Variants in SLC38A4 observed in about 807,000 individuals in gnomAD.
SLC38A4 encodes solute carrier family 38 member 4, also known as sodium-coupled neutral amino acid transporter 4.
SLC38A4 carries 20 observed loss-of-function variants against 63.1 expected under a neutral mutation model. The observed-to-expected ratio is 0.32, with a 90% confidence interval of 0.22 to 0.46. The LOEUF is 0.46. Among genes scored for constraint, SLC38A4 ranks in the 20% least tolerant of loss-of-function variants. The pLI is 1.00. For synonymous variants in SLC38A4, 230 were observed against 225.5 expected, an observed-to-expected ratio of 1.02 and a Z score of -0.18; for missense variants, 526 against 663.6, an observed-to-expected ratio of 0.79 and a Z score of 2.28.
intron 11 of SLC38A4, 58 bp from the exon 12 acceptor site, chr12:46,778,426 G>A (rs760871024): frequency 1.2e-5 from 20 of 1,608,122 alleles, no homozygotes; most frequent in Middle Eastern, 1.6e-4. Flanking sequence ...GTGATCTCAG[G>A]CCATCTCAGT....
At chr12:46,808,284 G>C (rs1329496728) in intron 1 of SLC38A4, among the ~76,000 whole-genome samples, 1 of 151,914 alleles carries the variant, frequency 6.6e-6, no homozygotes, top group Non-Finnish European at 1.5e-5. Context: ...CAAGTGAAAT[G>C]CAATGACCCA....
At chr12:46,780,544 T>G (rs1327675687) in intron 7 of SLC38A4, among the ~76,000 whole-genome samples, 2 of 151,960 alleles carry the variant, frequency 1.3e-5, no homozygotes, top group African/African-American at 2.4e-5. Context: ...AACCAAAGGC[T>G]TCCTGGATTG....
At chr12:46,802,041 T>A (rs1033407369) in intron 2 of SLC38A4, among the ~76,000 whole-genome samples, 1 of 152,096 alleles carries the variant, frequency 6.6e-6, no homozygotes, top group Non-Finnish European at 1.5e-5. Context: ...ACTAAGGTCT[T>A]TTCCCATTTC....
At position 46,793,103 on chromosome 12, in the gene SLC38A4, A is replaced by G. The variant is rs1938925157; in HGVS notation, c.-32T>C. ...TGTCAGCGCTTTCTTGTCCACACAC[A>G]AGCCCCTTCAGTGTAAATAATATAC... On this transcript the variant is annotated 5_prime_UTR_variant, in exon 3 of 17. Transcript: ENST00000266579. 1 of 1,492,824 alleles carries G rather than the reference A, an allele frequency of 6.7e-7. No individual in the cohort carries two copies. Among genetic ancestry groups the G allele is most frequent in the African/African-American group, 1.4e-5 (1 of 72,602 alleles). 92.5% of individuals were successfully genotyped at this position (1,492,824 alleles called of 1,614,324 possible). A position where few individuals can be genotyped will look rare whatever the true frequency, so the allele number is the denominator to read the frequency against.
At chr12:46,815,274 TATATATATATACAC>T (rs1404159169) in intron 1 of SLC38A4, among the ~76,000 whole-genome samples, 55 of 69,470 alleles carry the variant, frequency 7.9e-4, no homozygotes, top group South Asian at 2.9e-3. Flanking sequence ...TATATATATA[TATATATATATACAC>T]ACACACACAC....
At chr12:46,794,742 C>T (rs1938964633) in intron 2 of SLC38A4, among the ~76,000 whole-genome samples, 1 of 151,764 alleles carries the variant, frequency 6.6e-6, no homozygotes, top group African/African-American at 2.4e-5. Flanking sequence ...CACTGATAGT[C>T]ATTCCAATAT....
chr12:46,787,966 C>A lies in SLC38A4; in HGVS notation c.276G>T (p.Gly92=). The part of the protein sequence containing the change: ...FNLSNAIMGS[G]ILGLSYAMAN... ...CCATGGCATAGGACAAGCCCAGGATCCCACTGCCCATGATGGCATTACTCA... is the reference window on the plus strand; with the variant it reads ...CCATGGCATAGGACAAGCCCAGGATACCACTGCCCATGATGGCATTACTCA... The change falls in exon 5 of 17, where the codon GGG becomes GGT. Residue 92 remains glycine (G), a synonymous_variant. Coordinates refer to ENST00000266579, the MANE Select transcript of SLC38A4 (RefSeq NM_018018.5). The A allele has an allele frequency of 6.2e-7, 1 of 1,613,886 alleles. No individual in the cohort carries two copies.
intron 1 of SLC38A4, among the ~76,000 whole-genome samples, chr12:46,818,314 C>T (rs969578043): frequency 1.3e-5 from 2 of 151,814 alleles, no homozygotes; most frequent in Non-Finnish European, 2.9e-5. Context: ...TATGAACCAC[C>T]TTTATATGAG....
upstream of SLC38A4, among the ~76,000 whole-genome samples, chr12:46,830,805 G>A (rs549677352): frequency 1.3e-5 from 2 of 152,236 alleles, no homozygotes; most frequent in South Asian, 2.1e-4. Flanking sequence ...TTAAGACCTC[G>A]GCATTTAATA....
In SLC38A4 at chr12:46,799,742, G is replaced by A. The variant is rs138404494; in HGVS notation, c.-113+3861C>T. Among the ~76,000 whole-genome samples the A allele has an allele frequency of 1.3e-3, 194 of 152,202 alleles. 2 individuals are homozygous for A. The highest frequency in any genetic ancestry group is 4.5e-3 in the African/African-American group (185 of 41,542). On this transcript the variant is annotated intron_variant, in intron 2 of 16. Coordinates refer to ENST00000266579, the MANE Select transcript of SLC38A4 (RefSeq NM_018018.5). ...TAAATGCACAATTCAAAAAGAATTA[G>A]CACATTATGAGAAACTAAATATTCT...
At chr12:46,774,992 C>T in intron 14 of SLC38A4, 57 bp downstream of exon 14, 2 of 1,582,792 alleles carry the variant, frequency 1.3e-6, no homozygotes, top group Non-Finnish European at 1.7e-6. Flanking sequence ...AGGTAGAACA[C>T]ATGTACTAAT....
At chr12:46,819,930 T>G (rs1019669717) in intron 1 of SLC38A4, among the ~76,000 whole-genome samples, 7 of 151,978 alleles carry the variant, frequency 4.6e-5, no homozygotes, top group Admixed American at 2.6e-4. Flanking sequence ...AAATTTATAA[T>G]GATGACTCCG....
At chr12:46,796,283 TATATTTTCTC>T (rs759587177) in intron 2 of SLC38A4, among the ~76,000 whole-genome samples, 1 of 152,290 alleles carries the variant, frequency 6.6e-6, no homozygotes, top group Middle Eastern at 3.4e-3. Flanking sequence ...TTATGGATAC[TATATTTTCTC>T]AGATTTTTCT....
chr12:46,811,273 T>C (rs150846251), intron 1 of SLC38A4, among the ~76,000 whole-genome samples: 1 of 152,102 alleles, frequency 6.6e-6, no homozygotes, highest in African/African-American at 2.4e-5. Flanking sequence ...TGTAACAGGA[T>C]GCACAAAATG....
chr12:46,777,083 A>T (rs1938544503), intron 12 of SLC38A4, 79 bp from the exon 13 acceptor site: 1 of 1,150,502 alleles, frequency 8.7e-7, no homozygotes, highest in Non-Finnish European at 1.3e-6. Flanking sequence ...AATAATAATA[A>T]AAAAGTATAT....
chr12:46,800,770 T>G (rs1939116741), intron 2 of SLC38A4, among the ~76,000 whole-genome samples: 1 of 152,182 alleles, frequency 6.6e-6, no homozygotes, highest in Admixed American at 6.6e-5. Flanking sequence ...TCCTAGCATC[T>G]AGCACAGTGC....
At chr12:46,769,885 T>C (rs1938380346) in intron 14 of SLC38A4, among the ~76,000 whole-genome samples, 1 of 152,122 alleles carries the variant, frequency 6.6e-6, no homozygotes, top group Admixed American at 6.6e-5. Context: ...AAGTACAATC[T>C]ATGGTGTTTG....
At position 46,765,023 on chromosome 12, in the gene SLC38A4, C is replaced by A. The variant is rs527668396; in HGVS notation, c.*1678G>T. On this transcript the variant is annotated 3_prime_UTR_variant, in exon 17 of 17. Coordinates refer to ENST00000266579, the MANE Select transcript of SLC38A4 (RefSeq NM_018018.5). ...GATGCTCTTGAACATTCAGAAGATACCTTTTTCCACTTTTTATTTTTGTAT... is the reference window on the plus strand; with the variant it reads ...GATGCTCTTGAACATTCAGAAGATAACTTTTTCCACTTTTTATTTTTGTAT... The A allele has an allele frequency of 2.0e-5, 3 of 152,606 alleles. No individual in the cohort carries two copies. The East Asian group carries it at 5.8e-4, about 29-fold the overall frequency. The allele number at this position is 152,606 out of a possible 1,614,324, so 9.5% of individuals were successfully genotyped here.
At chr12:46,774,547 A>T (rs1446210621) in intron 14 of SLC38A4, among the ~76,000 whole-genome samples, 14 of 151,842 alleles carry the variant, frequency 9.2e-5, no homozygotes, top group African/African-American at 1.7e-4. Context: ...TTTTTGAAAA[A>T]TTTTTTTCTG....
Sources: allele counts gnomAD v4.1 joint callset (sites outside exome capture counted in the v4.1 genomes callset), GRCh38; gene constraint gnomAD v4.1.1; transcripts MANE v1.5; gene names NCBI Gene and HGNC (gene_info 2026-07-23, HGNC 2026-07-21).